PTPN11: variants seen among roughly 807,000 people sequenced by gnomAD.
The protein encoded by PTPN11 is protein tyrosine phosphatase non-receptor type 11.
In PTPN11, 6 loss-of-function variants were observed where a neutral mutation model predicts 78.8. That is an observed-to-expected ratio of 0.08 (90% CI 0.04 to 0.15). PTPN11 has a LOEUF of 0.15. Ranked by LOEUF, PTPN11 falls within the 10% of genes least tolerant of loss-of-function variation. The probability of loss-of-function intolerance (pLI) is 1.00; values close to 1 mark genes in which losing one functional copy is unlikely to be tolerated. For missense variants in PTPN11, 386 were observed against 744.8 expected, an observed-to-expected ratio of 0.52 and a Z score of 5.61; for synonymous variants, 221 against 263.5, an observed-to-expected ratio of 0.84 and a Z score of 1.56.
At position 112,486,465 on chromosome 12, in the gene PTPN11, T is replaced by C. The variant is rs772022775; in HGVS notation, c.1225-10T>C. On this transcript the variant is annotated splice_polypyrimidine_tract_variant and intron_variant, in intron 10 of 15. Transcript: ENST00000351677. ...TAATTCTTTTCTGGTTTTTCTTGGC[T>C]CTACTCCAGGGGAATACGGAGAGAA... is the stretch of plus-strand genomic sequence containing the variant. 6.2e-7 allele frequency: 1 copy of C among 1,612,620 alleles called. No individual in the cohort carries two copies.
chr12:112,445,580 C>T (rs1424908870), intron 1 of PTPN11, among the ~76,000 whole-genome samples: 1 of 152,008 alleles, frequency 6.6e-6, no homozygotes, highest in Non-Finnish European at 1.5e-5. Context: ...GTCTCCCCAA[C>T]AGTGAGAAAC....
intron 2 of PTPN11, among the ~76,000 whole-genome samples, chr12:112,448,853 A>G (rs2038033153): frequency 6.6e-6 from 1 of 152,074 alleles, no homozygotes; most frequent in Non-Finnish European, 1.5e-5. Context: ...GTGTCATTAC[A>G]TGTGTCTTTA....
At chr12:112,450,637 C>A (rs2038067257) in intron 3 of PTPN11, 125 bp downstream of exon 3, 1 of 940,984 alleles carries the variant, frequency 1.1e-6, no homozygotes, top group Non-Finnish European at 1.7e-6. Flanking sequence ...GAGCTGTAAT[C>A]TTTAAAGAAT....
Position 112,445,639 on chromosome 12 carries a change from C to CT in PTPN11, c.15-620dup, listed in dbSNP as rs531888743. Reference sequence around the variant, plus strand: ...TAACTTATTTATTAAGAAACTTATTCTTTTTTTTTTTTTTTTTCTGAGATT... The same window carrying CT: ...TAACTTATTTATTAAGAAACTTATTCTTTTTTTTTTTTTTTTTTCTGAGATT... On this transcript the variant is annotated intron_variant, in intron 1 of 15. Coordinates refer to ENST00000351677, the MANE Select transcript of PTPN11 (RefSeq NM_002834.5). Among the ~76,000 whole-genome samples the CT allele has an allele frequency of 4.2e-3, 589 of 138,922 alleles. 4 individuals carry two copies. Among genetic ancestry groups the CT allele is most frequent in the African/African-American group, 7.9e-3 (301 of 38,166 alleles). 91.1% of individuals were successfully genotyped at this position (138,922 alleles called of 152,430 possible).
chr12:112,433,372 C>G (rs74540768), intron 1 of PTPN11, among the ~76,000 whole-genome samples: 156 of 152,276 alleles, frequency 1.0e-3, no homozygotes, highest in African/African-American at 3.5e-3. Context: ...TGTGTAAGTA[C>G]GCTCCATGAT....
Position 112,419,086 on chromosome 12 carries a change from T to G in PTPN11, c.-26T>G. The G allele has an allele frequency of 6.5e-7, 1 of 1,532,922 alleles. No individual in the cohort carries two copies. Among genetic ancestry groups the G allele is most frequent in the Non-Finnish European group, 8.8e-7 (1 of 1,142,244 alleles). The allele number at this position is 1,532,922 out of a possible 1,614,324, so 95.0% of individuals were successfully genotyped here. ...GGAGCCTGAGCAAGGAGCGGGTCCGTCGCGGAGCCGGAGGGCGGGAGGAAC... is the reference window on the plus strand; with the variant it reads ...GGAGCCTGAGCAAGGAGCGGGTCCGGCGCGGAGCCGGAGGGCGGGAGGAAC... On this transcript the variant is annotated 5_prime_UTR_variant, in exon 1 of 16. Coordinates refer to ENST00000351677, the MANE Select transcript of PTPN11 (RefSeq NM_002834.5).
chr12:112,426,262 T>G (rs1212925377), intron 1 of PTPN11, among the ~76,000 whole-genome samples: 1 of 152,304 alleles, frequency 6.6e-6, no homozygotes, highest in East Asian at 1.9e-4. Context: ...GTAAACTCTT[T>G]TTTTTTTCTT....
chr12:112,429,931 T>TCTG (rs1354725427), intron 1 of PTPN11, among the ~76,000 whole-genome samples: 1 of 152,250 alleles, frequency 6.6e-6, no homozygotes, highest in Non-Finnish European at 1.5e-5. Flanking sequence ...ATTTCTCAAG[T>TCTG]CTGCTTTGCA....
At chr12:112,438,074 T>C (rs955140199) in intron 1 of PTPN11, among the ~76,000 whole-genome samples, 4 of 152,076 alleles carry the variant, frequency 2.6e-5, no homozygotes. Flanking sequence ...ACACTTCGGG[T>C]GGACTTTCTG....
intron 7 of PTPN11, among the ~76,000 whole-genome samples, chr12:112,474,832 T>C (rs1471306302): frequency 1.3e-5 from 2 of 152,090 alleles, no homozygotes; most frequent in Non-Finnish European, 2.9e-5. Flanking sequence ...GGTTTCGTCA[T>C]GTTGCCTAGG....
At chr12:112,419,471 C>T (rs2037485293) in intron 1 of PTPN11, among the ~76,000 whole-genome samples, 1 of 152,204 alleles carries the variant, frequency 6.6e-6, no homozygotes, top group Admixed American at 6.5e-5. Context: ...TGAGAATTGC[C>T]TCATGGTGAT....
intron 5 of PTPN11, 94 bp from the exon 6 acceptor site, chr12:112,455,856 T>A (rs1047375747): frequency 2.5e-6 from 2 of 801,820 alleles, no homozygotes; most frequent in African/African-American, 3.5e-5. Flanking sequence ...CCTTTATGAA[T>A]ATCAACATAG....
chr12:112,471,523 GA>G (rs930486146), intron 6 of PTPN11, among the ~76,000 whole-genome samples: 5 of 148,932 alleles, frequency 3.4e-5, no homozygotes, highest in South Asian at 2.1e-4. Context: ...AAAAGAAGAA[GA>G]AAAAAAGAAT....
At chr12:112,501,834 T>C (rs2038877217) in intron 13 of PTPN11, among the ~76,000 whole-genome samples, 1 of 152,208 alleles carries the variant, frequency 6.6e-6, no homozygotes. Flanking sequence ...GATTAGATGC[T>C]AATGTGGCAA....
intron 9 of PTPN11, among the ~76,000 whole-genome samples, chr12:112,480,413 C>A: frequency 6.8e-6 from 1 of 146,980 alleles, no homozygotes; most frequent in Admixed American, 6.9e-5. Flanking sequence ...GTCACTCAGG[C>A]TGCAGTGCAG....
At position 112,508,498 on chromosome 12, in the gene PTPN11, G is replaced by A. The variant is rs2038963090; in HGVS notation, c.*2706G>A. On this transcript the variant is annotated 3_prime_UTR_variant, in exon 16 of 16. Transcript: ENST00000351677. Reference sequence around the variant, plus strand: ...CCCAGGGCCAGAGCAGTCAGTAATGGGTGAATGAGGTTGTTTGGAAAGTCG... The same window carrying A: ...CCCAGGGCCAGAGCAGTCAGTAATGAGTGAATGAGGTTGTTTGGAAAGTCG... 5.9e-5 allele frequency: 9 copies of A among 152,372 alleles called. No individual in the cohort carries two copies. The highest frequency in any genetic ancestry group is 5.9e-4 in the Admixed American group (9 of 15,276). 9.4% of individuals were successfully genotyped at this position (152,372 alleles called of 1,614,324 possible).
chr12:112,463,517 T>C (rs960562324), intron 6 of PTPN11, among the ~76,000 whole-genome samples: 3 of 152,170 alleles, frequency 2.0e-5, no homozygotes, highest in Non-Finnish European at 4.4e-5. Flanking sequence ...GCAAATTCCA[T>C]TGGTGGGGTC....
intron 5 of PTPN11, chr12:112,454,900 A>G (rs1490238523): frequency 3.5e-6 from 2 of 567,570 alleles, no homozygotes; most frequent in Non-Finnish European, 6.4e-6. Flanking sequence ...GCTCACTACA[A>G]CCTCTGCTTC....
intron 5 of PTPN11, 127 bp from the exon 6 acceptor site, chr12:112,455,823 G>T: frequency 1.5e-6 from 1 of 677,688 alleles, no homozygotes. Context: ...GAATTACAGG[G>T]TCCTATGAAC....
Sources: gnomAD v4.1 joint callset for allele counts (sites outside exome capture counted in the v4.1 genomes callset) on GRCh38, gnomAD v4.1.1 for gene constraint, MANE v1.5 for transcripts, NCBI Gene and HGNC (gene_info 2026-07-23, HGNC 2026-07-21) for gene names.